The following TATDN3 variants were observed in gnomAD, a reference collection of about 807,000 sequenced individuals.
TATDN3 encodes the protein TatD DNase domain containing 3, also known as deoxyribonuclease TATDN3.
TATDN3 carries 29 observed loss-of-function variants against 40.1 expected under a neutral mutation model. The ratio of observed to expected loss-of-function variants is 0.72; its 90% CI spans 0.54 to 0.99. The LOEUF (loss-of-function observed/expected upper bound fraction) is 0.99. TATDN3 is among the 50% of genes least tolerant of loss of function. TATDN3 has a pLI of 0.00. For missense variants in TATDN3, 309 were observed against 321.9 expected, an observed-to-expected ratio of 0.96 and a Z score of 0.31; for synonymous variants, 105 against 117.0, an observed-to-expected ratio of 0.90 and a Z score of 0.66.
In TATDN3 at chr1:212,802,745, G is replaced by A. The variant is rs746798032; in HGVS notation, c.303G>A (p.Arg101=). ...ALPIIENYKD[R]LLAIGEVGLD... is the part of the protein sequence containing the mutation. ...CCATTATTGAGAATTATAAGGATCG[G>A]TTGTTGGCAATTGGAGAGGTAAACA... Residue 101 remains arginine (R), a synonymous_variant, in exon 5 of 10, where the codon CGG becomes CGA. Transcript: ENST00000366974. 3.7e-6 allele frequency: 6 copies of A among 1,612,900 alleles called. 1 individual carries two copies. In the Admixed American group the frequency reaches 1.0e-4, roughly 27 times the overall value.
At chr1:212,813,832 T>C (rs1428504226) in intron 9 of TATDN3, among the ~76,000 whole-genome samples, 1 of 152,150 alleles carries the variant, frequency 6.6e-6, no homozygotes, top group African/African-American at 2.4e-5. Flanking sequence ...TGCCTCAGCC[T>C]CCCTAGTAGC....
At chr1:212,811,695 TTTATTA>T (rs924389773) in intron 8 of TATDN3, among the ~76,000 whole-genome samples, 1 of 151,390 alleles carries the variant, frequency 6.6e-6, no homozygotes, top group Non-Finnish European at 1.5e-5. Flanking sequence ...GTATTTTTAT[TTTATTA>T]TTATTATTAT....
At chr1:212,804,552 C>CT in intron 6 of TATDN3, 44 bp from the exon 7 acceptor site, 1 of 1,594,036 alleles carries the variant, frequency 6.3e-7, no homozygotes, top group Non-Finnish European at 8.6e-7. Flanking sequence ...AAAAACAATA[C>CT]TTTCAGAATG....
rs1463531658 is a variant in TATDN3, at chr1:212,815,248, G to A, written c.*92G>A. ...CTGATGAAGAATCTGAACTGAAGAA[G>A]CTGTTTTATAGGGTTATAGAAGATT... is the stretch of plus-strand genomic sequence containing the variant. On this transcript the variant is annotated 3_prime_UTR_variant, in exon 10 of 10. Coordinates refer to ENST00000366974, the MANE Select transcript of TATDN3 (RefSeq NM_001042552.3). The A allele has an allele frequency of 2.1e-6, 3 of 1,419,116 alleles. No homozygotes were observed. The highest frequency in any genetic ancestry group is 1.9e-6 in the Non-Finnish European group (2 of 1,058,258). 87.9% of individuals were successfully genotyped at this position (1,419,116 alleles called of 1,614,324 possible). A position where few individuals can be genotyped will look rare whatever the true frequency, so the allele number is the denominator to read the frequency against.
chr1:212,792,341 A>C (rs1474327773), intron 1 of TATDN3, among the ~76,000 whole-genome samples: 1 of 152,122 alleles, frequency 6.6e-6, no homozygotes, highest in East Asian at 1.9e-4. Flanking sequence ...AACGCGTTCA[A>C]ATCGGGGAGA....
chr1:212,812,295 A>T lies in TATDN3; in HGVS notation c.648A>T (p.Glu216Asp), dbSNP rs1662933857. 6.3e-7 allele frequency: 1 copy of T among 1,582,966 alleles called. No homozygotes were observed. The highest frequency in any genetic ancestry group is 1.2e-5 in the South Asian group (1 of 85,084). The stretch of plus-strand genomic sequence containing the variant: ...TGCCTTTAACTTCTATATGCTTAGA[A>T]ACAGATTCACCTGCACTAGGACCAG... ...KQLPLTSICLETDSPALGPEK... is the reference protein window; with the variant it reads ...KQLPLTSICLDTDSPALGPEK... Residue 216 changes from glutamate to aspartate, a missense_variant, in exon 9 of 10, where the codon GAA (glutamate) becomes GAT (aspartate). Glu to Asp is a conservative substitution (Grantham distance 45, BLOSUM62 2). Coordinates refer to ENST00000366974, the MANE Select transcript of TATDN3 (RefSeq NM_001042552.3).
chr1:212,806,368 C>CTTTTTTTT (rs771628190), intron 7 of TATDN3, among the ~76,000 whole-genome samples: 1 of 132,512 alleles, frequency 7.5e-6, no homozygotes, highest in Non-Finnish European at 1.6e-5. Flanking sequence ...TTCTCTCTCT[C>CTTTTTTTT]TTTTTTTTTT....
chr1:212,806,498 G>A (rs1419279881), intron 7 of TATDN3, among the ~76,000 whole-genome samples: 2 of 147,972 alleles, frequency 1.4e-5, no homozygotes, highest in Non-Finnish European at 3.0e-5. Flanking sequence ...AGCCCCACAA[G>A]TAGCTGGGAC....
At chr1:212,809,013 A>G (rs990930603) in intron 8 of TATDN3, among the ~76,000 whole-genome samples, 1 of 152,238 alleles carries the variant, frequency 6.6e-6, no homozygotes, top group Non-Finnish European at 1.5e-5. Context: ...ATAAAGTCAT[A>G]AAAAGGAATG....
chr1:212,796,739 C>CTT, intron 3 of TATDN3, 149 bp downstream of exon 3: 12 of 505,154 alleles, frequency 2.4e-5, no homozygotes, highest in South Asian at 9.3e-5. Context: ...CTACTTATTC[C>CTT]TTTTTTTTTT....
intron 8 of TATDN3, 55 bp from the exon 9 acceptor site, chr1:212,812,193 C>T (rs1451388094): frequency 4.4e-6 from 5 of 1,126,020 alleles, no homozygotes; most frequent in African/African-American, 1.6e-5. Context: ...CAATTTAATG[C>T]TCTTTATCTT....
At chr1:212,807,655 C>G in intron 7 of TATDN3, 81 bp from the exon 8 acceptor site, 1 of 1,088,276 alleles carries the variant, frequency 9.2e-7, no homozygotes. Flanking sequence ...CCAACATTTA[C>G]TTAAAATTTC....
intron 7 of TATDN3, among the ~76,000 whole-genome samples, chr1:212,806,197 G>A (rs1351596165): frequency 6.6e-6 from 1 of 152,092 alleles, no homozygotes; most frequent in Non-Finnish European, 1.5e-5. Flanking sequence ...TGACTATTGA[G>A]TTTGTGTCAC....
intron 4 of TATDN3, among the ~76,000 whole-genome samples, chr1:212,801,357 CAAAT>C (rs1414953487): frequency 6.6e-6 from 1 of 151,310 alleles, no homozygotes; most frequent in Admixed American, 6.6e-5. Context: ...ACCACACACA[CAAAT>C]AAATTTGTAC....
chr1:212,797,340 TGC>T, intron 4 of TATDN3, 144 bp downstream of exon 4: 2 of 647,312 alleles, frequency 3.1e-6, no homozygotes, highest in African/African-American at 1.8e-5. Context: ...AGATGTTTGT[TGC>T]AACATTATTC....
At position 212,804,342 on chromosome 1, in the gene TATDN3, G is replaced by C; in HGVS notation, c.344G>C (p.Arg115Thr). 1 of 1,613,972 alleles carries C rather than the reference G, an allele frequency of 6.2e-7. No individual in the cohort carries two copies. Among genetic ancestry groups the C allele is most frequent in the South Asian group, 1.1e-5 (1 of 91,072 alleles). ...IGEVGLDFSP[R>T]FAGTGEQKEE... ...TAGGTTGGACTAGATTTCTCCCCCA[G>C]ATTTGCTGGCACTGGTGAACAGAAG... Residue 115 changes from arginine to threonine, a missense_variant, in exon 6 of 10, where the codon AGA becomes ACA. Physicochemically the swap from Arg to Thr is moderately conservative, Grantham distance 71. Transcript: ENST00000366974.
At chr1:212,806,433 C>T (rs115857001) in intron 7 of TATDN3, among the ~76,000 whole-genome samples, 3,277 of 135,068 alleles carry the variant, frequency 0.024, 58 homozygotes, top group Middle Eastern at 0.043. Context: ...TGCAGTGGGG[C>T]GATCTCTGCT....
In TATDN3 at chr1:212,794,800, A is replaced by C. The variant is rs192697650; in HGVS notation, c.67-295A>C. The C allele has an allele frequency of 1.3e-5, 7 of 546,328 alleles. No homozygotes were observed. The East Asian group carries it at 3.1e-4, about 24-fold the overall frequency. The allele number at this position is 546,328 out of a possible 1,614,324, so 33.8% of individuals were successfully genotyped here. Reference sequence around the variant, plus strand: ...GTGGAAAGCATTTCAAGAAGGAAGGAGTAAGCAAGTGAGGGATTCCGAATG... The same window carrying C: ...GTGGAAAGCATTTCAAGAAGGAAGGCGTAAGCAAGTGAGGGATTCCGAATG... On this transcript the variant is annotated intron_variant, in intron 1 of 9. Transcript: ENST00000366974.
intron 1 of TATDN3, among the ~76,000 whole-genome samples, chr1:212,794,268 G>A (rs113822990): frequency 0.023 from 3,374 of 146,002 alleles, 60 homozygotes; most frequent in South Asian, 0.04. Context: ...GTGACAGAGC[G>A]AGACTCCATC....
Sources: gnomAD v4.1 joint callset for allele counts (sites outside exome capture counted in the v4.1 genomes callset) on GRCh38, gnomAD v4.1.1 for gene constraint, MANE v1.5 for transcripts, NCBI Gene and HGNC (gene_info 2026-07-23, HGNC 2026-07-21) for gene names.